SPART: variants seen among roughly 807,000 people sequenced by gnomAD.
The protein encoded by SPART is spastic paraplegia 20 (Troyer syndrome).
A neutral mutation model predicts 58.7 loss-of-function variants in SPART; 35 were observed. The observed-to-expected ratio is 0.60, with a 90% CI of 0.46 to 0.79. The LOEUF (loss-of-function observed/expected upper bound fraction) is 0.79. Among genes scored for constraint, SPART ranks in the 30% least tolerant of loss-of-function variants. The pLI, the probability that SPART is intolerant of heterozygous loss-of-function variation, is 0.00. For synonymous variants in SPART, 284 were observed against 280.7 expected, an observed-to-expected ratio of 1.01 and a Z score of -0.12; for missense variants, 730 against 786.1, an observed-to-expected ratio of 0.93 and a Z score of 0.85.
intron 5 of SPART, among the ~76,000 whole-genome samples, chr13:36,323,803 A>T (rs1041122603): frequency 1.3e-5 from 2 of 152,238 alleles, no homozygotes; most frequent in Non-Finnish European, 2.9e-5. Context: ...ACCAACTATG[A>T]GGACATTACT....
intron 5 of SPART, among the ~76,000 whole-genome samples, chr13:36,323,681 G>GC (rs1013750702): frequency 6.6e-6 from 1 of 151,984 alleles, no homozygotes; most frequent in Admixed American, 6.6e-5. Flanking sequence ...TTAATTTTCT[G>GC]CCCCCCTTTG....
rs1432733006 is a variant in SPART at position 36,302,467 on chromosome 13, T to A, written c.*1898A>T. 1 of 152,300 alleles carries A rather than the reference T, an allele frequency of 6.6e-6. No homozygotes were observed. Among genetic ancestry groups the A allele is most frequent in the East Asian group, 1.9e-4 (1 of 5,184 alleles). 9.4% of individuals were successfully genotyped at this position (152,300 alleles called of 1,614,324 possible). A position where few individuals can be genotyped will look rare whatever the true frequency, so the allele number is the denominator to read the frequency against. On this transcript the variant is annotated 3_prime_UTR_variant, in exon 9 of 9. Coordinates refer to ENST00000438666, the MANE Select transcript of SPART (RefSeq NM_015087.5). Reference sequence around the variant, plus strand: ...CAGCCATAGCCAATATGTAAACAAATGGGTACAGCTATGCTCCAATAAAAC... The same window carrying A: ...CAGCCATAGCCAATATGTAAACAAAAGGGTACAGCTATGCTCCAATAAAAC...
rs1038604361 is a variant in SPART, at chr13:36,302,085, A to G, written c.*2280T>C. 10 of 152,204 alleles carry G rather than the reference A, an allele frequency of 6.6e-5. No individual in the cohort carries two copies. The highest frequency in any genetic ancestry group is 2.2e-4 in the African/African-American group (9 of 41,462). The allele number at this position is 152,204 out of a possible 1,614,324, so 9.4% of individuals were successfully genotyped here. On this transcript the variant is annotated 3_prime_UTR_variant, in exon 9 of 9. Coordinates refer to ENST00000438666, the MANE Select transcript of SPART (RefSeq NM_015087.5). Reference sequence around the variant, plus strand: ...GAGAACATACATGTGTGATTAAAAAATGGCAAGGAACAATAAAAAATGACA... The same window carrying G: ...GAGAACATACATGTGTGATTAAAAAGTGGCAAGGAACAATAAAAAATGACA...
chr13:36,367,064 C>G (rs1172692649), intron 1 of SPART, among the ~76,000 whole-genome samples: 1 of 152,200 alleles, frequency 6.6e-6, no homozygotes, highest in Non-Finnish European at 1.5e-5. Flanking sequence ...CCAAAATCCC[C>G]TAACAGCAGT....
Position 36,316,020 on chromosome 13 carries a change from G to A in SPART, c.1289-1599C>T, listed in dbSNP as rs182351711. ...TGTAAACACTGCAACAGAAGATAAGGAAATGCAATATTTCATCGGTAGCTA... is the reference window on the plus strand; with the variant it reads ...TGTAAACACTGCAACAGAAGATAAGAAAATGCAATATTTCATCGGTAGCTA... On this transcript the variant is annotated intron_variant, in intron 5 of 8. Transcript: ENST00000438666. Among the ~76,000 whole-genome samples, 404 of 152,282 alleles carry A rather than the reference G, an allele frequency of 2.7e-3. 1 individual carries two copies. The highest frequency in any genetic ancestry group is 9.2e-3 in the African/African-American group (381 of 41,560).
At chr13:36,326,310 A>G (rs551952296) in intron 5 of SPART, 127 of 448,908 alleles carry the variant, frequency 2.8e-4, no homozygotes, top group South Asian at 2.8e-3. Context: ...ATTCAGAACT[A>G]TTAAGAATTT....
At chr13:36,348,807 G>T (rs905537707), upstream of SPART, among the ~76,000 whole-genome samples, 7 of 152,160 alleles carry the variant, frequency 4.6e-5, no homozygotes, top group African/African-American at 1.7e-4. Context: ...TCCGTGTCAA[G>T]ATCCCAAATG....
At chr13:36,366,373 A>G (rs1886053361) in intron 1 of SPART, among the ~76,000 whole-genome samples, 1 of 152,152 alleles carries the variant, frequency 6.6e-6, no homozygotes, top group Non-Finnish European at 1.5e-5. Context: ...TTAGCACCAC[A>G]TCACTTACCT....
chr13:36,356,201 C>G (rs983770898), intron 1 of SPART, among the ~76,000 whole-genome samples: 5 of 152,168 alleles, frequency 3.3e-5, no homozygotes, highest in African/African-American at 1.2e-4. Context: ...TGACTCAAGC[C>G]TTTGTCAATT....
At chr13:36,330,316 T>A (rs1468802957) in intron 3 of SPART, among the ~76,000 whole-genome samples, 2 of 152,166 alleles carry the variant, frequency 1.3e-5, no homozygotes, top group African/African-American at 4.8e-5. Context: ...GCTACACACT[T>A]CTGTATGCTG....
At chr13:36,349,752 A>C (rs1195620804), upstream of SPART, among the ~76,000 whole-genome samples, 2 of 152,246 alleles carry the variant, frequency 1.3e-5, no homozygotes, top group Non-Finnish European at 2.9e-5. Context: ...ATTATCTGTT[A>C]TCTCTGTGGA....
In SPART at chr13:36,339,690, C is replaced by T. The variant is rs116698728; in HGVS notation, c.-2-3858G>A. Reference sequence around the variant, plus strand: ...CAAAAAACCTCCTAGAAATAGAGAACAGAGAAAAAATAAGGGATGAAAGAA... The same window carrying T: ...CAAAAAACCTCCTAGAAATAGAGAATAGAGAAAAAATAAGGGATGAAAGAA... On this transcript the variant is annotated intron_variant, in intron 1 of 8. Coordinates refer to ENST00000438666, the MANE Select transcript of SPART (RefSeq NM_015087.5). 7.1e-3 allele frequency among the ~76,000 whole-genome samples: 702 copies of T among 99,046 alleles called. 9 individuals carry two copies. Among genetic ancestry groups the T allele is most frequent in the African/African-American group, 0.025 (648 of 25,934 alleles). The allele number at this position is 99,046 out of a possible 152,430, so 65.0% of individuals were successfully genotyped here.
At chr13:36,337,750 G>C (rs537913432) in intron 1 of SPART, among the ~76,000 whole-genome samples, 7 of 152,126 alleles carry the variant, frequency 4.6e-5, no homozygotes, top group African/African-American at 1.7e-4. Flanking sequence ...ATATTGTGGT[G>C]GTTGGATTCA....
intron 6 of SPART, among the ~76,000 whole-genome samples, chr13:36,313,336 T>C (rs1288357559): frequency 6.6e-6 from 1 of 152,358 alleles, no homozygotes; most frequent in East Asian, 1.9e-4. Flanking sequence ...AAGATTATAA[T>C]GGAGCTGATT....
At chr13:36,326,246 T>G in intron 5 of SPART, 1 of 340,386 alleles carries the variant, frequency 2.9e-6, no homozygotes, top group Non-Finnish European at 5.6e-6. Context: ...GGGACAGGGG[T>G]AGGGGGAGGT....
intron 1 of SPART, among the ~76,000 whole-genome samples, chr13:36,368,824 C>A (rs1886166879): frequency 6.6e-6 from 1 of 152,044 alleles, no homozygotes; most frequent in Admixed American, 6.5e-5. Context: ...CATGGTGAAA[C>A]CCCGTCTCTA....
At chr13:36,319,217 TAA>T in intron 5 of SPART, among the ~76,000 whole-genome samples, 1 of 89,076 alleles carries the variant, frequency 1.1e-5, no homozygotes, top group South Asian at 4.0e-4. Flanking sequence ...GCTGAGACAC[TAA>T]CTAAATTATC....
chr13:36,325,209 GC>G (rs1460139375), intron 5 of SPART, among the ~76,000 whole-genome samples: 3 of 152,122 alleles, frequency 2.0e-5, no homozygotes, highest in African/African-American at 7.2e-5. Context: ...CTGAATGATG[GC>G]CTCCTAATAA....
At chr13:36,355,342 G>T (rs1169587401) in intron 1 of SPART, among the ~76,000 whole-genome samples, 4 of 152,050 alleles carry the variant, frequency 2.6e-5, no homozygotes, top group Non-Finnish European at 5.9e-5. Flanking sequence ...CATGTATTTT[G>T]TATTAAGTTA....
Sources: allele counts gnomAD v4.1 joint callset (sites outside exome capture counted in the v4.1 genomes callset), GRCh38; gene constraint gnomAD v4.1.1; transcripts MANE v1.5; gene names NCBI Gene and HGNC (gene_info 2026-07-23, HGNC 2026-07-21).